The following KCNE1 variants were observed in gnomAD, a reference collection of about 807,000 sequenced individuals.
KCNE1 encodes the protein potassium voltage-gated channel subfamily E member 1.
In KCNE1, 1 loss-of-function variant was observed where a neutral mutation model predicts 2.9. That is an observed-to-expected ratio of 0.34 (90% confidence interval 0.12 to 1.62). The LOEUF (loss-of-function observed/expected upper bound fraction) is 1.62, where lower values mean the gene tolerates loss of function less well. KCNE1 is among the 40% of genes most tolerant of loss of function. The pLI is 0.36. For missense variants in KCNE1, 45 were observed against 150.5 expected, an observed-to-expected ratio of 0.30 and a Z score of 3.67; for synonymous variants, 23 against 65.4, an observed-to-expected ratio of 0.35 and a Z score of 3.13.
chr21:34,496,143 G>A (rs925480224), intron 2 of KCNE1, among the ~76,000 whole-genome samples: 24 of 151,570 alleles, frequency 1.6e-4, no homozygotes, highest in Non-Finnish European at 2.6e-4. Flanking sequence ...GGCTCATCTC[G>A]GCTCAGTGCA....
intron 2 of KCNE1, chr21:34,509,542 GCCT>G (rs1190892256): frequency 6.6e-6 from 1 of 151,682 alleles, no homozygotes; most frequent in Non-Finnish European, 1.5e-5. Context: ...TGCAAGCTCC[GCCT>G]CCCAGGTTCA....
intron 2 of KCNE1, among the ~76,000 whole-genome samples, chr21:34,504,364 C>A (rs571019823): frequency 3.9e-5 from 6 of 152,224 alleles, no homozygotes; most frequent in African/African-American, 1.4e-4. Flanking sequence ...AAATCCAAAC[C>A]CCAATAAGAA....
rs150085113 is a variant in KCNE1 at position 34,508,210 on chromosome 21, T to C, written c.-162+2891A>G. 5.4e-3 allele frequency among the ~76,000 whole-genome samples: 808 copies of C among 150,510 alleles called. 8 individuals carry two copies. Among genetic ancestry groups the C allele is most frequent in the African/African-American group, 0.019 (771 of 40,814 alleles). On this transcript the variant is annotated intron_variant, in intron 2 of 3. Coordinates refer to ENST00000399286, the MANE Select transcript of KCNE1 (RefSeq NM_000219.6). Reference sequence around the variant, plus strand: ...CCTAGCTTTTTTTTTTTTTTTTCTGTAGAGGCAAGGTTTCACCATGTTGCC... The same window carrying C: ...CCTAGCTTTTTTTTTTTTTTTTCTGCAGAGGCAAGGTTTCACCATGTTGCC...
At chr21:34,500,409 TC>T (rs1983093538) in intron 2 of KCNE1, among the ~76,000 whole-genome samples, 1 of 152,254 alleles carries the variant, frequency 6.6e-6, no homozygotes, top group Non-Finnish European at 1.5e-5. Flanking sequence ...TTAAAATGAT[TC>T]TTTTTGCCAT....
chr21:34,497,527 A>G (rs923835645), intron 2 of KCNE1, among the ~76,000 whole-genome samples: 3 of 152,180 alleles, frequency 2.0e-5, no homozygotes, highest in Non-Finnish European at 4.4e-5. Flanking sequence ...CTTCTTGCTT[A>G]TAGGGTTTCT....
intron 2 of KCNE1, chr21:34,509,837 T>C (rs1983731006): frequency 6.6e-6 from 1 of 152,170 alleles, no homozygotes; most frequent in Non-Finnish European, 1.5e-5. Context: ...GGGGGTTTGT[T>C]GTACAGATTA....
chr21:34,498,878 T>C (rs2123507018), intron 2 of KCNE1, among the ~76,000 whole-genome samples: 1 of 152,322 alleles, frequency 6.6e-6, no homozygotes, highest in Non-Finnish European at 1.5e-5. Flanking sequence ...GCAGTAGTAG[T>C]AGAGGGATCT....
At chr21:34,499,872 A>C (rs555371480) in intron 2 of KCNE1, among the ~76,000 whole-genome samples, 2 of 152,198 alleles carry the variant, frequency 1.3e-5, no homozygotes, top group Non-Finnish European at 2.9e-5. Flanking sequence ...TCTTAGAACA[A>C]AAGTTCATGC....
rs1982758783 is a variant in KCNE1 at position 34,495,610 on chromosome 21, GT to G, written c.-162+15490del. 2.9e-5 allele frequency among the ~76,000 whole-genome samples: 4 copies of G among 136,438 alleles called. No homozygotes were observed. The South Asian group carries it at 1.0e-3, about 34-fold the overall frequency. 89.5% of individuals were successfully genotyped at this position (136,438 alleles called of 152,430 possible). On this transcript the variant is annotated intron_variant, in intron 2 of 3. Transcript: ENST00000399286. ...TTTATTCCTGATTTAATATAGGAGG[GT>G]TGTATATTTCCAGGAATTTATCCAT...
chr21:34,505,866 G>A (rs1241146102), intron 2 of KCNE1, among the ~76,000 whole-genome samples: 1 of 152,186 alleles, frequency 6.6e-6, no homozygotes, highest in Non-Finnish European at 1.5e-5. Context: ...CCATCTTCTA[G>A]AGTCATCCCA....
At chr21:34,501,360 C>T (rs76999537) in intron 2 of KCNE1, among the ~76,000 whole-genome samples, 115 of 152,312 alleles carry the variant, frequency 7.6e-4, no homozygotes, top group African/African-American at 2.5e-3. Context: ...AGATGACAGG[C>T]AACTCTTCTA....
At chr21:34,499,106 C>A (rs1982993475) in intron 2 of KCNE1, among the ~76,000 whole-genome samples, 1 of 152,122 alleles carries the variant, frequency 6.6e-6, no homozygotes, top group Non-Finnish European at 1.5e-5. Context: ...GGTTCTCAGG[C>A]CAATGGGGCT....
intron 2 of KCNE1, among the ~76,000 whole-genome samples, chr21:34,507,550 G>A (rs1019168085): frequency 2.0e-4 from 31 of 152,270 alleles, no homozygotes; most frequent in African/African-American, 6.7e-4. Flanking sequence ...ACAAACCTGC[G>A]AGTCAGCCTC....
intron 2 of KCNE1, among the ~76,000 whole-genome samples, chr21:34,497,884 T>C (rs1982909173): frequency 6.6e-6 from 1 of 152,108 alleles, no homozygotes; most frequent in Non-Finnish European, 1.5e-5. Flanking sequence ...ATTCTTTTTT[T>C]TTCTTTTTTT....
chr21:34,511,464 C>T (rs769112124), intron 1 of KCNE1, 149 bp from the exon 2 acceptor site: 10 of 202,612 alleles, frequency 4.9e-5, no homozygotes, highest in African/African-American at 9.5e-5. Flanking sequence ...CTTCCCGCCC[C>T]GCCCACCCCT....
intron 2 of KCNE1, among the ~76,000 whole-genome samples, chr21:34,508,711 G>A (rs1042540192): frequency 1.3e-5 from 2 of 152,150 alleles, no homozygotes; most frequent in Admixed American, 6.5e-5. Flanking sequence ...ACAGTCATTG[G>A]ACAGTATTAC....
At chr21:34,504,707 A>G (rs1983377630) in intron 2 of KCNE1, among the ~76,000 whole-genome samples, 1 of 152,236 alleles carries the variant, frequency 6.6e-6, no homozygotes. Flanking sequence ...AGACAATGGA[A>G]TATTAGTCAT....
At chr21:34,509,077 C>T (rs1222103153) in intron 2 of KCNE1, among the ~76,000 whole-genome samples, 1 of 152,210 alleles carries the variant, frequency 6.6e-6, no homozygotes, top group African/African-American at 2.4e-5. Flanking sequence ...TTCATCATCT[C>T]GGTTTCCATG....
intron 2 of KCNE1, among the ~76,000 whole-genome samples, chr21:34,496,006 G>A (rs1167848649): frequency 1.3e-5 from 2 of 152,076 alleles, no homozygotes; most frequent in Non-Finnish European, 2.9e-5. Context: ...ACATTTTCAT[G>A]TAGGCATTTA....
Sources: allele counts gnomAD v4.1 joint callset (sites outside exome capture counted in the v4.1 genomes callset), GRCh38; gene constraint gnomAD v4.1.1; transcripts MANE v1.5; gene names NCBI Gene and HGNC (gene_info 2026-07-23, HGNC 2026-07-21).